DOCK2: variants seen among roughly 807,000 people sequenced by gnomAD.
DOCK2 encodes the protein dedicator of cytokinesis protein 2.
In DOCK2, 87 loss-of-function variants were observed where a neutral mutation model predicts 248.9. That is an observed-to-expected ratio of 0.35 (90% CI 0.29 to 0.42). The LOEUF (loss-of-function observed/expected upper bound fraction) is 0.42. Ranked by LOEUF, DOCK2 falls within the 10% of genes least tolerant of loss-of-function variation. The pLI is 1.00. For synonymous variants in DOCK2, 805 were observed against 821.6 expected (o/e 0.98, Z 0.35); for missense variants, 1,747 against 2,300.2 (o/e 0.76, Z 4.92).
chr5:169,843,615 G>A (rs994099809), intron 27 of DOCK2, among the ~76,000 whole-genome samples: 7 of 152,290 alleles, frequency 4.6e-5, no homozygotes, highest in Admixed American at 1.3e-4. Flanking sequence ...TCAGTTTGAC[G>A]AGTTTTAGAA....
At chr5:170,046,514 C>A (rs1756717448) in intron 39 of DOCK2, among the ~76,000 whole-genome samples, 1 of 152,182 alleles carries the variant, frequency 6.6e-6, no homozygotes, top group Non-Finnish European at 1.5e-5. Context: ...ACCCCAGGGA[C>A]CCCTCTTAGC....
In DOCK2 at chr5:169,702,317, G is replaced by A. The variant is rs908186195; in HGVS notation, c.1273G>A (p.Asp425Asn). 2.5e-6 allele frequency: 4 copies of A among 1,613,690 alleles called. No individual in the cohort carries two copies. Among genetic ancestry groups the A allele is most frequent in the Non-Finnish European group, 3.4e-6 (4 of 1,179,762 alleles). Residue 425 changes from aspartate to asparagine, a missense_variant, in exon 14 of 52, where the codon GAC (aspartate) becomes AAC (asparagine). This residue lies in a region of DOCK2 where 858 missense variants were observed against 1,183.5 expected (regional missense o/e 0.72). Transcript: ENST00000520908. ...EIIMPGDVRN[D>N]IYITLLQGDF... Reference sequence around the variant, plus strand: ...CTCTGCCTCAGGGGATGTCAGGAACGACATCTACATTACTCTCTTACAAGG... The same window carrying A: ...CTCTGCCTCAGGGGATGTCAGGAACAACATCTACATTACTCTCTTACAAGG...
intron 44 of DOCK2, among the ~76,000 whole-genome samples, chr5:170,063,697 C>T (rs1757404917): frequency 6.6e-6 from 1 of 152,148 alleles, no homozygotes; most frequent in Non-Finnish European, 1.5e-5. Flanking sequence ...GAGCTCCCAC[C>T]CAAGGGACTG....
intron 29 of DOCK2, among the ~76,000 whole-genome samples, chr5:169,987,362 C>T (rs192600383): frequency 1.5e-4 from 23 of 152,274 alleles, no homozygotes; most frequent in East Asian, 1.2e-3. Context: ...TTTCATGACC[C>T]GCCTTTGGAA....
intron 1 of DOCK2, among the ~76,000 whole-genome samples, chr5:169,650,397 G>A (rs1481347911): frequency 1.3e-5 from 2 of 151,942 alleles, no homozygotes; most frequent in African/African-American, 4.8e-5. Flanking sequence ...CCCTTCCTCA[G>A]TTTCCTTATA....
intron 23 of DOCK2, 27 bp downstream of exon 23, chr5:169,747,531 T>C (rs1763677914): frequency 6.3e-7 from 1 of 1,582,574 alleles, no homozygotes; most frequent in African/African-American, 1.4e-5. Context: ...ATAAAATCTA[T>C]CTTCTCCTTG....
At chr5:169,643,670 G>A (rs1034649995) in intron 1 of DOCK2, among the ~76,000 whole-genome samples, 4 of 152,232 alleles carry the variant, frequency 2.6e-5, no homozygotes, top group East Asian at 1.9e-4. Context: ...AGTACCGGTC[G>A]GTGGCCTGGG....
chr5:169,666,135 G>A (rs1165877458), intron 2 of DOCK2, among the ~76,000 whole-genome samples: 1 of 152,094 alleles, frequency 6.6e-6, no homozygotes, highest in Admixed American at 6.6e-5. Context: ...TTTCTGGTGG[G>A]GGCCGCTTCT....
rs1760591452 is a variant in DOCK2 at position 169,695,906 on chromosome 5, C to T, written c.947C>T (p.Thr316Met). The change falls in exon 10 of 52, where the codon ACG (threonine) becomes ATG (methionine). Residue 316 changes from threonine to methionine, a missense_variant. Thr to Met is a moderately conservative substitution (Grantham distance 81, BLOSUM62 -1). Coordinates refer to ENST00000520908, the MANE Select transcript of DOCK2 (RefSeq NM_004946.3). ...AAGGATACTGGTGCAAAGAAGTGCACGCAGGGACTGAGGAGGCCCTTTGGG... is the reference window on the plus strand; with the variant it reads ...AAGGATACTGGTGCAAAGAAGTGCATGCAGGGACTGAGGAGGCCCTTTGGG... ...DLKDTGAKKC[T>M]QGLRRPFGVA... is the part of the protein sequence containing the mutation. 3 of 1,613,040 alleles carry T rather than the reference C, an allele frequency of 1.9e-6. No individual in the cohort carries two copies. The highest frequency in any genetic ancestry group is 1.7e-6 in the Non-Finnish European group (2 of 1,179,590).
At chr5:169,756,654 G>A (rs182675984) in intron 23 of DOCK2, among the ~76,000 whole-genome samples, 22 of 152,296 alleles carry the variant, frequency 1.4e-4, no homozygotes, top group African/African-American at 4.6e-4. Context: ...GGCCAGGCAT[G>A]GTGGCTCATG....
intron 27 of DOCK2, among the ~76,000 whole-genome samples, chr5:169,946,412 G>A (rs1431466656): frequency 6.6e-6 from 1 of 152,218 alleles, no homozygotes; most frequent in African/African-American, 2.4e-5. Flanking sequence ...GTTTCTTCAT[G>A]TGTGTTCTTA....
chr5:169,716,113 T>G (rs1213091820), intron 19 of DOCK2, 100 bp from the exon 20 acceptor site: 1 of 1,045,512 alleles, frequency 9.6e-7, no homozygotes, highest in Non-Finnish European at 1.4e-6. Context: ...GTGGTGGATG[T>G]GTGCTCTCAT....
chr5:169,685,509 C>T (rs1364048279), intron 8 of DOCK2, among the ~76,000 whole-genome samples: 1 of 152,126 alleles, frequency 6.6e-6, no homozygotes, highest in African/African-American at 2.4e-5. Flanking sequence ...AGGCATGCGC[C>T]ACCACGCCCG....
intron 32 of DOCK2, among the ~76,000 whole-genome samples, chr5:170,009,233 T>G (rs1755187733): frequency 6.6e-6 from 1 of 152,034 alleles, no homozygotes; most frequent in African/African-American, 2.4e-5. Context: ...AGGAATTCTG[T>G]GTGATTACCT....
intron 38 of DOCK2, among the ~76,000 whole-genome samples, chr5:170,043,142 A>G (rs946928019): frequency 1.3e-5 from 2 of 152,154 alleles, no homozygotes; most frequent in South Asian, 2.1e-4. Context: ...CATGCACCCT[A>G]TAGAGAACAT....
intron 27 of DOCK2, among the ~76,000 whole-genome samples, chr5:169,969,105 A>G (rs1777405968): frequency 6.6e-6 from 1 of 152,148 alleles, no homozygotes; most frequent in South Asian, 2.1e-4. Context: ...AGCCATGATC[A>G]TGCCACTGCA....
chr5:169,941,080 C>T (rs919845578), intron 27 of DOCK2, among the ~76,000 whole-genome samples: 20 of 152,322 alleles, frequency 1.3e-4, no homozygotes, highest in African/African-American at 4.3e-4. Flanking sequence ...CAGTCACCCA[C>T]GCTGAGTCTT....
chr5:169,681,642 T>C, intron 6 of DOCK2, 102 bp from the exon 7 acceptor site: 7 of 1,452,366 alleles, frequency 4.8e-6, no homozygotes, highest in Admixed American at 1.9e-5. Context: ...TATGTGACTA[T>C]ATGACCCCCA....
chr5:169,914,585 G>T (rs946704861), intron 27 of DOCK2, among the ~76,000 whole-genome samples: 1 of 152,334 alleles, frequency 6.6e-6, no homozygotes, highest in African/African-American at 2.4e-5. Context: ...GGCCTGCACA[G>T]TGTCTTAAAA....
Sources: gnomAD v4.1 joint callset for allele counts (sites outside exome capture counted in the v4.1 genomes callset) on GRCh38, gnomAD v4.1.1 for gene constraint, gnomAD v4.1.1 regional missense constraint, MANE v1.5 for transcripts, NCBI Gene and HGNC (gene_info 2026-07-23, HGNC 2026-07-21) for gene names.